PLCL1: variants seen among roughly 807,000 people sequenced by gnomAD.
PLCL1 encodes phospholipase C like 1 (inactive), also known as inactive phospholipase C-like protein 1.
In PLCL1, 41 loss-of-function variants were observed where a neutral mutation model predicts 84.4. That is an observed-to-expected ratio of 0.49 (90% CI 0.38 to 0.63). The LOEUF is 0.63. Among genes scored for constraint, PLCL1 ranks in the 30% least tolerant of loss-of-function variants. The pLI is 0.00. For missense variants in PLCL1, 1,206 were observed against 1,367.8 expected (o/e 0.88, Z 1.87); for synonymous variants, 490 against 488.3 (o/e 1.00, Z -0.05).
At chr2:198,005,133 G>A (rs771057187) in intron 1 of PLCL1, among the ~76,000 whole-genome samples, 13 of 152,076 alleles carry the variant, frequency 8.5e-5, no homozygotes, top group African/African-American at 1.4e-4. Flanking sequence ...TTCCACCCTC[G>A]CTCCCTCACT....
chr2:197,858,968 G>A (rs1428921408), intron 1 of PLCL1, among the ~76,000 whole-genome samples: 1 of 152,102 alleles, frequency 6.6e-6, no homozygotes, highest in Non-Finnish European at 1.5e-5. Context: ...GACTAGCTCA[G>A]AGCTGCTCAC....
intron 1 of PLCL1, among the ~76,000 whole-genome samples, chr2:198,016,946 G>C (rs1691013128): frequency 6.6e-6 from 1 of 152,138 alleles, no homozygotes; most frequent in South Asian, 2.1e-4. Context: ...CAAAGTTAGA[G>C]ACCATGAAGG....
intron 1 of PLCL1, among the ~76,000 whole-genome samples, chr2:197,923,258 A>ACCCC (rs1229801790): frequency 1.4e-4 from 16 of 110,912 alleles, no homozygotes; most frequent in African/African-American, 5.3e-4. Flanking sequence ...CGGGGGGCTG[A>ACCCC]CCCCCCCCAC....
chr2:197,947,237 A>AATATATATATATATAT (rs55700681), intron 1 of PLCL1, among the ~76,000 whole-genome samples: 160 of 142,710 alleles, frequency 1.1e-3, no homozygotes, highest in South Asian at 5.2e-3. Flanking sequence ...TGCTTAGATA[A>AATATATATATATATAT]ATATATATAT....
intron 1 of PLCL1, among the ~76,000 whole-genome samples, chr2:197,912,193 A>G (rs898054686): frequency 6.6e-6 from 1 of 152,186 alleles, no homozygotes; most frequent in East Asian, 1.9e-4. Flanking sequence ...ACATGAAAAA[A>G]TGCTCATCAT....
At chr2:197,982,825 A>G (rs1690137347) in intron 1 of PLCL1, among the ~76,000 whole-genome samples, 1 of 152,206 alleles carries the variant, frequency 6.6e-6, no homozygotes, top group African/African-American at 2.4e-5. Flanking sequence ...CTTTAGCTAC[A>G]AGTCAACTGG....
chr2:197,952,796 T>A (rs1689412813), intron 1 of PLCL1, among the ~76,000 whole-genome samples: 1 of 152,142 alleles, frequency 6.6e-6, no homozygotes, highest in African/African-American at 2.4e-5. Context: ...GATGGTTTTG[T>A]AAGGGGTTTC....
chr2:198,146,914 G>A lies in PLCL1; in HGVS notation c.3240G>A (p.Leu1080=), dbSNP rs1268058857. Residue 1080 remains leucine, a synonymous_variant, in exon 6 of 6, where the codon CTG becomes CTA. Transcript: ENST00000428675. ...CTGAGGCCAAGAGCAAGCGCAGCCTGGAAGCCATAGAGGAGAAGGAAAGTA... is the reference window on the plus strand; with the variant it reads ...CTGAGGCCAAGAGCAAGCGCAGCCTAGAAGCCATAGAGGAGAAGGAAAGTA... ...SSAEAKSKRS[L]EAIEEKESSE... The A allele has an allele frequency of 6.2e-7, 1 of 1,612,958 alleles. No homozygotes were observed. The highest frequency in any genetic ancestry group is 2.2e-5 in the East Asian group (1 of 44,854).
At chr2:198,090,001 A>T (rs898729227) in intron 3 of PLCL1, among the ~76,000 whole-genome samples, 5 of 152,170 alleles carry the variant, frequency 3.3e-5, no homozygotes, top group Non-Finnish European at 7.4e-5. Context: ...AAATAAATTG[A>T]TATAGTATTT....
chr2:198,052,585 G>GGA (rs1691965254), intron 1 of PLCL1, among the ~76,000 whole-genome samples: 1 of 151,394 alleles, frequency 6.6e-6, no homozygotes, highest in Admixed American at 6.6e-5. Flanking sequence ...CATTATTTCA[G>GGA]CACCAACCAA....
intron 1 of PLCL1, among the ~76,000 whole-genome samples, chr2:197,837,077 C>T (rs1406183081): frequency 6.6e-6 from 1 of 151,996 alleles, no homozygotes; most frequent in Non-Finnish European, 1.5e-5. Context: ...TGATTTCTTC[C>T]CTGAAAGAAT....
At chr2:197,942,607 T>G (rs1689181090) in intron 1 of PLCL1, among the ~76,000 whole-genome samples, 1 of 152,238 alleles carries the variant, frequency 6.6e-6, no homozygotes, top group Non-Finnish European at 1.5e-5. Flanking sequence ...ATTGATCTTT[T>G]TTAGAAATGA....
intron 5 of PLCL1, among the ~76,000 whole-genome samples, chr2:198,131,408 C>T (rs908598263): frequency 6.6e-6 from 1 of 152,100 alleles, no homozygotes; most frequent in Admixed American, 6.5e-5. Context: ...TTATCTTTCA[C>T]GAGACAGTCT....
intron 1 of PLCL1, among the ~76,000 whole-genome samples, chr2:198,027,435 T>C (rs1458168715): frequency 6.6e-6 from 1 of 152,182 alleles, no homozygotes; most frequent in Admixed American, 6.6e-5. Context: ...TTGTACAACA[T>C]ATTGACTATA....
intron 1 of PLCL1, among the ~76,000 whole-genome samples, chr2:197,838,980 T>C (rs190193257): frequency 3.9e-5 from 6 of 152,362 alleles, no homozygotes; most frequent in Non-Finnish European, 5.9e-5. Flanking sequence ...TATGCATTTA[T>C]GTTGAATACT....
At chr2:198,034,486 C>A (rs1268941832) in intron 1 of PLCL1, among the ~76,000 whole-genome samples, 1 of 152,114 alleles carries the variant, frequency 6.6e-6, no homozygotes, top group Non-Finnish European at 1.5e-5. Flanking sequence ...AAATGTCCAA[C>A]AATGATAGAC....
At chr2:197,876,342 G>A (rs1687731228) in intron 1 of PLCL1, among the ~76,000 whole-genome samples, 1 of 152,148 alleles carries the variant, frequency 6.6e-6, no homozygotes, top group Non-Finnish European at 1.5e-5. Flanking sequence ...AGGTCTTTTG[G>A]AGGAGGGGAT....
intron 1 of PLCL1, among the ~76,000 whole-genome samples, chr2:197,926,125 G>A (rs1341859039): frequency 1.3e-5 from 2 of 152,122 alleles, no homozygotes; most frequent in Non-Finnish European, 2.9e-5. Context: ...CAAATAACTT[G>A]TCAAGCTTCA....
At chr2:198,098,822 T>G (rs1224082877) in intron 3 of PLCL1, among the ~76,000 whole-genome samples, 1 of 152,198 alleles carries the variant, frequency 6.6e-6, no homozygotes, top group Non-Finnish European at 1.5e-5. Context: ...TCACAAAAGC[T>G]GGACAATTTA....
Sources: allele counts gnomAD v4.1 joint callset (sites outside exome capture counted in the v4.1 genomes callset), GRCh38; gene constraint gnomAD v4.1.1; transcripts MANE v1.5; gene names NCBI Gene and HGNC (gene_info 2026-07-23, HGNC 2026-07-21).